ATP6V0A4: variants seen among roughly 807,000 people sequenced by gnomAD.
The protein encoded by ATP6V0A4 is ATPase H+ transporting V0 subunit a4.
Under a neutral mutation model 107.3 loss-of-function variants are expected in ATP6V0A4, and 86 were observed. That is an observed-to-expected ratio of 0.80 (90% CI 0.67 to 0.96). ATP6V0A4 has a LOEUF of 0.96. ATP6V0A4 is among the 40% of genes least tolerant of loss of function. The pLI is 0.00. For missense variants in ATP6V0A4, 908 were observed against 1,045.6 expected, an observed-to-expected ratio of 0.87 and a Z score of 1.81; for synonymous variants, 353 against 381.4, an observed-to-expected ratio of 0.93 and a Z score of 0.87.
chr7:138,785,698 AAAAG>A (rs1351822006), intron 2 of ATP6V0A4, among the ~76,000 whole-genome samples: 1 of 152,154 alleles, frequency 6.6e-6, no homozygotes, highest in Non-Finnish European at 1.5e-5. Flanking sequence ...GTTGCTAAAA[AAAAG>A]AGAGAATGAA....
rs535783030 is a variant in ATP6V0A4, at chr7:138,755,623, A to G, written c.816+66T>C. On this transcript the variant is annotated intron_variant, in intron 10 of 21. Transcript: ENST00000310018. ...AAGGGCCCTGGGGGGCAGGGCTTGT[A>G]TGAAAACAGCAGAGGCAGCCCTCCT... 2.5e-6 allele frequency: 4 copies of G among 1,604,366 alleles called. No individual in the cohort carries two copies. In the African/African-American group the frequency reaches 5.3e-5, roughly 21 times the overall value.
intron 18 of ATP6V0A4, among the ~76,000 whole-genome samples, chr7:138,726,392 G>A (rs191343311): frequency 1.7e-4 from 26 of 152,362 alleles, no homozygotes; most frequent in Admixed American, 1.5e-3. Flanking sequence ...GAAACAGAAC[G>A]TGGGGGGCCT....
At chr7:138,763,188 C>A (rs1447005070) in intron 5 of ATP6V0A4, 163 bp from the exon 6 acceptor site, 1 of 197,750 alleles carries the variant, frequency 5.1e-6, no homozygotes, top group Non-Finnish European at 8.3e-6. Flanking sequence ...CACACACAGA[C>A]ACACACACAC....
intron 7 of ATP6V0A4, among the ~76,000 whole-genome samples, chr7:138,761,976 G>A (rs145909815): frequency 1.3e-4 from 20 of 152,216 alleles, no homozygotes; most frequent in African/African-American, 3.1e-4. Flanking sequence ...CACCACGCCC[G>A]GCTCCCAAAA....
At chr7:138,775,958 A>AT (rs577339600) in intron 2 of ATP6V0A4, among the ~76,000 whole-genome samples, 428 of 151,908 alleles carry the variant, frequency 2.8e-3, no homozygotes, top group Non-Finnish European at 4.7e-3. Flanking sequence ...CCATTGGCTG[A>AT]TTTTTTTATT....
In ATP6V0A4 at chr7:138,715,755, C is replaced by G; in HGVS notation, c.2257+9G>C. On this transcript the variant is annotated intron_variant, in intron 20 of 21. Transcript: ENST00000310018. ...AGCTGACTGTCCCCCCGATGGGCTG[C>G]TCACTCACGTGCATGAGCCAGGCTG... 6.2e-7 allele frequency: 1 copy of G among 1,613,314 alleles called. No homozygotes were observed. Among genetic ancestry groups the G allele is most frequent in the South Asian group, 1.1e-5 (1 of 91,076 alleles).
At chr7:138,724,342 T>C (rs1411583588) in intron 18 of ATP6V0A4, among the ~76,000 whole-genome samples, 1 of 152,192 alleles carries the variant, frequency 6.6e-6, no homozygotes, top group Non-Finnish European at 1.5e-5. Context: ...CCTCTTTTTT[T>C]CACCTCTGGC....
intron 15 of ATP6V0A4, among the ~76,000 whole-genome samples, chr7:138,738,812 G>A (rs1034364857): frequency 6.6e-6 from 1 of 152,140 alleles, no homozygotes; most frequent in Non-Finnish European, 1.5e-5. Flanking sequence ...GGAGGTCTCA[G>A]GTTCTCTCCC....
intron 13 of ATP6V0A4, among the ~76,000 whole-genome samples, chr7:138,745,658 C>CAAATAAAAAAAAAAAAAAAAAAAAA (rs1805882089): frequency 2.3e-5 from 1 of 42,758 alleles, no homozygotes; most frequent in Non-Finnish European, 4.3e-5. Flanking sequence ...GCCTGTGTCT[C>CAAATAAAAAAAAAAAAAAAAAAAAA]AAAAAAAAAA....
chr7:138,718,442 G>A (rs1335946946), intron 19 of ATP6V0A4, among the ~76,000 whole-genome samples: 4 of 132,196 alleles, frequency 3.0e-5, no homozygotes, highest in African/African-American at 8.7e-5. Context: ...TGTCTGCGGA[G>A]GGAGACATCC....
chr7:138,733,227 C>T, intron 16 of ATP6V0A4, 134 bp from the exon 17 acceptor site: 3 of 1,415,288 alleles, frequency 2.1e-6, no homozygotes, highest in African/African-American at 1.5e-5. Context: ...ACAACGGCAC[C>T]CCCCACCCCC....
rs1806528490 is a variant in ATP6V0A4 at position 138,756,599 on chromosome 7, A to G, written c.640-59T>C. On this transcript the variant is annotated intron_variant, in intron 8 of 21. Transcript: ENST00000310018. ...GGGGTTTCTTTCTGGTTAAAACATA[A>G]TAGAGAGAAATGTAAAGTCCTGTTT... The G allele has an allele frequency of 4.4e-6, 7 of 1,573,112 alleles. No individual in the cohort carries two copies. In the South Asian group the frequency reaches 7.8e-5, roughly 18 times the overall value.
intron 18 of ATP6V0A4, among the ~76,000 whole-genome samples, chr7:138,723,828 G>A (rs1334355978): frequency 6.6e-6 from 1 of 151,686 alleles, no homozygotes; most frequent in East Asian, 1.9e-4. Context: ...ACCCAGCCAG[G>A]GCCCTCCTTT....
chr7:138,754,974 T>C (rs909312001), intron 10 of ATP6V0A4, among the ~76,000 whole-genome samples: 3 of 152,182 alleles, frequency 2.0e-5, no homozygotes, highest in Non-Finnish European at 4.4e-5. Context: ...CTAAATGACT[T>C]AGTGGCACTA....
In ATP6V0A4 at chr7:138,792,362, C is replaced by T. The variant is rs79281807; in HGVS notation, c.-121+5672G>A. On this transcript the variant is annotated intron_variant, in intron 1 of 21. Coordinates refer to ENST00000310018, the MANE Select transcript of ATP6V0A4 (RefSeq NM_020632.3). The stretch of plus-strand genomic sequence containing the variant: ...GGTGAAAGTGTCAATTAATATTAGA[C>T]TTTGATATGTTAAGAATGCACTTGT... Among the ~76,000 whole-genome samples the T allele has an allele frequency of 3.2e-3, 485 of 152,274 alleles. 2 individuals carry two copies. Among genetic ancestry groups the T allele is most frequent in the African/African-American group, 0.011 (469 of 41,550 alleles).
chr7:138,780,295 A>G (rs555695770), intron 2 of ATP6V0A4, among the ~76,000 whole-genome samples: 9 of 152,294 alleles, frequency 5.9e-5, no homozygotes, highest in African/African-American at 1.9e-4. Flanking sequence ...TTTGTAAGGA[A>G]CACACAACCT....
intron 14 of ATP6V0A4, among the ~76,000 whole-genome samples, chr7:138,744,609 T>C (rs1805816767): frequency 6.6e-6 from 1 of 152,226 alleles, no homozygotes; most frequent in African/African-American, 2.4e-5. Flanking sequence ...TTGTAGCTCA[T>C]GCAGCTTTGA....
intron 1 of ATP6V0A4, among the ~76,000 whole-genome samples, chr7:138,794,135 G>A (rs1021496068): frequency 1.3e-5 from 2 of 151,982 alleles, no homozygotes; most frequent in Non-Finnish European, 2.9e-5. Flanking sequence ...AGATGTTTCG[G>A]TCCCACAACC....
intron 14 of ATP6V0A4, among the ~76,000 whole-genome samples, chr7:138,742,041 AC>A (rs1335824101): frequency 1.3e-5 from 2 of 152,334 alleles, no homozygotes; most frequent in East Asian, 3.9e-4. Context: ...TGGTAACAAG[AC>A]AGTTAATTCG....
Sources: allele counts gnomAD v4.1 joint callset (sites outside exome capture counted in the v4.1 genomes callset), GRCh38; gene constraint gnomAD v4.1.1; transcripts MANE v1.5; gene names NCBI Gene and HGNC (gene_info 2026-07-23, HGNC 2026-07-21).